PEX5L: variants seen among roughly 807,000 people sequenced by gnomAD.
PEX5L encodes the protein peroxisomal biogenesis factor 5 like, also known as PEX5-related protein.
PEX5L carries 30 observed loss-of-function variants against 84.0 expected under a neutral mutation model. The ratio of observed to expected loss-of-function variants is 0.36; its 90% CI spans 0.27 to 0.48. The LOEUF is 0.48. PEX5L is among the 20% of genes least tolerant of loss of function. PEX5L has a pLI of 0.99. For missense variants in PEX5L, 533 were observed against 754.6 expected (o/e 0.71, Z 3.44); for synonymous variants, 270 against 283.1 (o/e 0.95, Z 0.46).
Position 179,809,593 on chromosome 3 carries a change from C to T in PEX5L, c.1230G>A (p.Gln410=). The T allele has an allele frequency of 6.2e-7, 1 of 1,613,588 alleles. No homozygotes were observed. The highest frequency in any genetic ancestry group is 1.7e-4 in the Middle Eastern group (1 of 6,056). ...LAVSYTNTGH[Q]QDACDALKNW... is the part of the protein sequence containing the mutation. The stretch of plus-strand genomic sequence containing the variant: ...TCTTCAGAGCGTCACAGGCATCCTG[C>T]TGATGGCCAGTGTTAGTATAACTCA... The change falls in exon 12 of 15, where the codon CAG becomes CAA. Residue 410 remains glutamine, a synonymous_variant. Transcript: ENST00000467460.
intron 8 of PEX5L, 91 bp downstream of exon 8, chr3:179,858,971 C>A: frequency 1.3e-6 from 1 of 767,584 alleles, no homozygotes; most frequent in South Asian, 1.5e-5. Flanking sequence ...TAATGTAAGA[C>A]CCATTTCATT....
chr3:179,834,331 G>C (rs915247456), intron 8 of PEX5L, among the ~76,000 whole-genome samples: 4 of 152,220 alleles, frequency 2.6e-5, no homozygotes, highest in Non-Finnish European at 5.9e-5. Context: ...GAAGGGTGAG[G>C]ATTGGTGACA....
At chr3:179,823,770 T>G (rs1466006120) in intron 8 of PEX5L, among the ~76,000 whole-genome samples, 1 of 152,210 alleles carries the variant, frequency 6.6e-6, no homozygotes, top group Non-Finnish European at 1.5e-5. Context: ...TTAACTCATC[T>G]GTAAGTTATT....
intron 7 of PEX5L, among the ~76,000 whole-genome samples, chr3:179,861,377 G>A (rs1320664084): frequency 2.0e-5 from 3 of 152,216 alleles, no homozygotes. Context: ...ATCTGGAGTG[G>A]CAGAGGTCTG....
At chr3:179,932,016 C>G (rs932234343) in intron 2 of PEX5L, among the ~76,000 whole-genome samples, 1 of 152,066 alleles carries the variant, frequency 6.6e-6, no homozygotes, top group African/African-American at 2.4e-5. Context: ...TTTCTATGTA[C>G]AAGGATATGT....
rs1373517187 is a variant in PEX5L, at chr3:179,800,180, C to T, written c.*1648G>A. 6.6e-6 allele frequency: 1 copy of T among 152,188 alleles called. No individual in the cohort carries two copies. The highest frequency in any genetic ancestry group is 1.9e-4 in the East Asian group (1 of 5,190). 9.4% of individuals were successfully genotyped at this position (152,188 alleles called of 1,614,324 possible). ...GTACCTCGCATTCAATTGATAAGCACGTGTGCACATTTACTCCTCAGTAGA... is the reference window on the plus strand; with the variant it reads ...GTACCTCGCATTCAATTGATAAGCATGTGTGCACATTTACTCCTCAGTAGA... On this transcript the variant is annotated 3_prime_UTR_variant, in exon 15 of 15. Coordinates refer to ENST00000467460, the MANE Select transcript of PEX5L (RefSeq NM_016559.3).
intron 2 of PEX5L, among the ~76,000 whole-genome samples, chr3:179,935,625 C>G (rs1181702322): frequency 6.6e-6 from 1 of 152,140 alleles, no homozygotes; most frequent in East Asian, 1.9e-4. Context: ...CTTTTCCTAT[C>G]TATAAAAATT....
At chr3:180,025,051 A>G (rs528462469) in intron 1 of PEX5L, among the ~76,000 whole-genome samples, 148 of 152,318 alleles carry the variant, frequency 9.7e-4, no homozygotes, top group Non-Finnish European at 8.2e-4. Flanking sequence ...GGTTGAACCC[A>G]TTAAACTGCG....
chr3:179,954,132 T>C (rs923581603), intron 2 of PEX5L, among the ~76,000 whole-genome samples: 1 of 150,630 alleles, frequency 6.6e-6, no homozygotes, highest in African/African-American at 2.4e-5. Flanking sequence ...TCTTTTTTTT[T>C]CTTTTGTACC....
chr3:179,907,206 C>T (rs565480308), intron 2 of PEX5L, among the ~76,000 whole-genome samples: 3 of 151,240 alleles, frequency 2.0e-5, no homozygotes, highest in Admixed American at 1.3e-4. Context: ...AATATATATA[C>T]CAAATTAAAA....
At chr3:179,986,554 C>T (rs1015723622) in intron 1 of PEX5L, among the ~76,000 whole-genome samples, 7 of 151,988 alleles carry the variant, frequency 4.6e-5, no homozygotes, top group East Asian at 1.9e-4. Flanking sequence ...AGGCGCCCGC[C>T]ACCACGCCCG....
At chr3:179,876,743 C>T (rs1752555782) in intron 5 of PEX5L, among the ~76,000 whole-genome samples, 1 of 152,150 alleles carries the variant, frequency 6.6e-6, no homozygotes, top group Non-Finnish European at 1.5e-5. Flanking sequence ...CCCTCCCCCA[C>T]AAACCCTGGT....
At chr3:179,928,133 A>C (rs1325926719) in intron 2 of PEX5L, among the ~76,000 whole-genome samples, 2 of 152,166 alleles carry the variant, frequency 1.3e-5, no homozygotes, top group East Asian at 1.9e-4. Context: ...ATAATTGTTT[A>C]ACATTTGCCA....
rs957640390 is a variant in PEX5L, at chr3:179,983,547, C to A, written c.22-11882G>T. ...TGGTATAAAAACAATCTTGTTAGCA[C>A]CTTGGCATGAATCAAGATACTGGCA... On this transcript the variant is annotated intron_variant, in intron 1 of 14. Coordinates refer to ENST00000467460, the MANE Select transcript of PEX5L (RefSeq NM_016559.3). Among the ~76,000 whole-genome samples the A allele has an allele frequency of 7.2e-5, 11 of 151,964 alleles. No homozygotes were observed. The Middle Eastern group carries it at 0.01, about 141-fold the overall frequency.
chr3:179,802,020 G>A lies in PEX5L; in HGVS notation c.1689C>T (p.Ser563=), dbSNP rs774434475. The A allele has an allele frequency of 6.2e-7, 1 of 1,611,048 alleles. No homozygotes were observed. The highest frequency in any genetic ancestry group is 8.5e-7 in the Non-Finnish European group (1 of 1,177,412). ...INLGAYREAV[S]NFLTALSLQR... is the part of the protein sequence containing the mutation. ...GCAAACTGAGGGCAGTGAGAAAATT[G>A]CTGACCGCTTCTCTAAGAAGGTAGA... Residue 563 remains serine, a synonymous_variant, in exon 15 of 15, where the codon AGC becomes AGT. Coordinates refer to ENST00000467460, the MANE Select transcript of PEX5L (RefSeq NM_016559.3).
In PEX5L at chr3:179,797,493, T is replaced by C. The variant is rs978945682; in HGVS notation, c.*4335A>G. On this transcript the variant is annotated 3_prime_UTR_variant, in exon 15 of 15. Coordinates refer to ENST00000467460, the MANE Select transcript of PEX5L (RefSeq NM_016559.3). The stretch of plus-strand genomic sequence containing the variant: ...TGAGTAGGCAAATTTGCAATACTAA[T>C]GCATGCAATATTTTTGTACCTGAGG... 1.3e-5 allele frequency: 2 copies of C among 151,610 alleles called. No individual in the cohort carries two copies. The highest frequency in any genetic ancestry group is 4.8e-5 in the African/African-American group (2 of 41,282). 9.4% of individuals were successfully genotyped at this position (151,610 alleles called of 1,614,324 possible).
chr3:179,960,533 G>T (rs1781751444), intron 2 of PEX5L, among the ~76,000 whole-genome samples: 1 of 152,142 alleles, frequency 6.6e-6, no homozygotes, highest in Admixed American at 6.5e-5. Context: ...GGGGTCCATG[G>T]GGTATTGCTA....
intron 7 of PEX5L, among the ~76,000 whole-genome samples, chr3:179,863,635 C>T (rs1177869128): frequency 6.6e-6 from 1 of 152,028 alleles, no homozygotes; most frequent in Non-Finnish European, 1.5e-5. Context: ...AGTGAGATAC[C>T]ACCTCACACC....
intron 3 of PEX5L, among the ~76,000 whole-genome samples, chr3:179,889,819 T>C (rs1259155063): frequency 2.0e-5 from 3 of 152,194 alleles, no homozygotes; most frequent in Non-Finnish European, 2.9e-5. Flanking sequence ...AGGAATAAAA[T>C]ATATTTGAAT....
Sources: allele counts gnomAD v4.1 joint callset (sites outside exome capture counted in the v4.1 genomes callset), GRCh38; gene constraint gnomAD v4.1.1; transcripts MANE v1.5; gene names NCBI Gene and HGNC (gene_info 2026-07-23, HGNC 2026-07-21).